The following OR10J1 variants were observed in gnomAD, a reference collection of about 807,000 sequenced individuals.
OR10J1 encodes the protein olfactory receptor 10J1.
For synonymous variants in OR10J1, 202 were observed against 143.8 expected (o/e 1.40, Z -2.89); for missense variants, 474 against 376.6 (o/e 1.26, Z -2.14).
chr1:159,403,113 A>C, the OR10J1 span, among the ~76,000 whole-genome samples: 1 of 152,086 alleles, frequency 6.6e-6, no homozygotes, highest in Non-Finnish European at 1.5e-5. Context: ...ATCAAATCAA[A>C]ATGGATTAAA....
chr1:159,414,660 G>A, the OR10J1 span, among the ~76,000 whole-genome samples: 2 of 152,056 alleles, frequency 1.3e-5, no homozygotes, highest in African/African-American at 4.8e-5. Context: ...TTTGAGAAAT[G>A]TCATACTGTT....
At chr1:159,402,442 A>G in the OR10J1 span, among the ~76,000 whole-genome samples, 1 of 152,102 alleles carries the variant, frequency 6.6e-6, no homozygotes, top group Admixed American at 6.6e-5. Context: ...CACAAAAATC[A>G]GTAGCATTTC....
At chr1:159,399,692 A>T in the OR10J1 span, among the ~76,000 whole-genome samples, 3 of 152,118 alleles carry the variant, frequency 2.0e-5, no homozygotes, top group Admixed American at 1.3e-4. Flanking sequence ...GGTAATAGCA[A>T]GTAAACACAA....
At chr1:159,401,956 A>G in the OR10J1 span, among the ~76,000 whole-genome samples, 1 of 152,094 alleles carries the variant, frequency 6.6e-6, no homozygotes, top group Non-Finnish European at 1.5e-5. Flanking sequence ...CAAATCAATC[A>G]ATGTGATACA....
At chr1:159,435,239 T>C (rs1349832617), upstream of OR10J1, among the ~76,000 whole-genome samples, 1 of 152,138 alleles carries the variant, frequency 6.6e-6, no homozygotes, top group Non-Finnish European at 1.5e-5. Context: ...TCCCTTTATT[T>C]ATGCCCTCCT....
the OR10J1 span, among the ~76,000 whole-genome samples, chr1:159,402,920 C>T: frequency 1.2e-4 from 19 of 152,098 alleles, no homozygotes; most frequent in South Asian, 4.2e-4. Context: ...AACACATAGA[C>T]GAATTGAACA....
In OR10J1 at chr1:159,440,364, C is replaced by T. The variant is rs780046104; in HGVS notation, c.573C>T (p.Thr191=). The T allele has an allele frequency of 1.2e-6, 2 of 1,614,060 alleles. No homozygotes were observed. Among genetic ancestry groups the T allele is most frequent in the African/African-American group, 2.7e-5 (2 of 74,924 alleles). Residue 191 remains threonine (T), a synonymous_variant, in exon 1 of 1, where the codon ACC becomes ACT. Transcript: ENST00000423932. ...RPVMKLSCID[T]TVNEILTLII... is the part of the protein sequence containing the mutation. ...TGATGAAGCTCTCCTGCATTGACAC[C>T]ACTGTCAATGAAATCCTGACTTTGA...
upstream of OR10J1, among the ~76,000 whole-genome samples, chr1:159,434,860 T>C (rs1337059264): frequency 6.6e-6 from 1 of 152,110 alleles, no homozygotes; most frequent in East Asian, 1.9e-4. Context: ...GCTCCCTGGG[T>C]CACTCTGAGG....
chr1:159,412,500 C>T, the OR10J1 span, among the ~76,000 whole-genome samples: 50,346 of 123,678 alleles, frequency 0.41, 9,089 homozygotes, highest in African/African-American at 0.66. Flanking sequence ...TATAGATCAA[C>T]GGAACAGAAC....
At chr1:159,409,722 T>G in the OR10J1 span, among the ~76,000 whole-genome samples, 3 of 152,128 alleles carry the variant, frequency 2.0e-5, no homozygotes, top group African/African-American at 7.2e-5. Flanking sequence ...TTTCCAATTT[T>G]TTAAAAATTA....
chr1:159,435,453 T>A (rs1207714788), upstream of OR10J1, among the ~76,000 whole-genome samples: 1 of 152,188 alleles, frequency 6.6e-6, no homozygotes, highest in African/African-American at 2.4e-5. Context: ...AGTTCTCCTT[T>A]TCAGAACTTA....
chr1:159,418,787 C>A, the OR10J1 span, among the ~76,000 whole-genome samples: 3 of 152,164 alleles, frequency 2.0e-5, no homozygotes, highest in Admixed American at 1.3e-4. Context: ...ACCTTCAACA[C>A]CAGCACGTGA....
chr1:159,401,573 G>A, the OR10J1 span, among the ~76,000 whole-genome samples: 1 of 151,872 alleles, frequency 6.6e-6, no homozygotes, highest in African/African-American at 2.4e-5. Flanking sequence ...AACCTGAGCA[G>A]ATAAATAACA....
At chr1:159,439,662 T>C (rs1287728388), upstream of OR10J1, 8 of 1,114,022 alleles carry the variant, frequency 7.2e-6, no homozygotes, top group African/African-American at 1.5e-5. Flanking sequence ...CTTAATCCAC[T>C]AGGAAATACA....
the OR10J1 span, among the ~76,000 whole-genome samples, chr1:159,420,680 C>T: frequency 6.6e-6 from 1 of 151,572 alleles, no homozygotes; most frequent in South Asian, 2.1e-4. Flanking sequence ...GCATAAAATC[C>T]TTGGTTAGTA....
the OR10J1 span, among the ~76,000 whole-genome samples, chr1:159,403,168 C>A: frequency 2.0e-5 from 3 of 152,084 alleles, no homozygotes; most frequent in African/African-American, 7.2e-5. Flanking sequence ...TACAAGAAAA[C>A]ATTGGGGAAA....
At chr1:159,397,872 T>A in the OR10J1 span, among the ~76,000 whole-genome samples, 1 of 152,176 alleles carries the variant, frequency 6.6e-6, no homozygotes, top group Non-Finnish European at 1.5e-5. Context: ...CTTTGCTGCC[T>A]GGTGATTATA....
chr1:159,402,601 G>A, the OR10J1 span, among the ~76,000 whole-genome samples: 1 of 151,930 alleles, frequency 6.6e-6, no homozygotes, highest in African/African-American at 2.4e-5. Flanking sequence ...ACTCATGAAA[G>A]TAATTGAAGA....
chr1:159,417,680 G>A, the OR10J1 span, among the ~76,000 whole-genome samples: 1 of 152,100 alleles, frequency 6.6e-6, no homozygotes, highest in Non-Finnish European at 1.5e-5. Flanking sequence ...ACAGTAAATT[G>A]GTACCAGGAG....
Sources: allele counts gnomAD v4.1 joint callset (sites outside exome capture counted in the v4.1 genomes callset), GRCh38; gene constraint gnomAD v4.1.1; transcripts MANE v1.5; gene names NCBI Gene and HGNC (gene_info 2026-07-23, HGNC 2026-07-21).